SFXN1: variants seen among roughly 807,000 people sequenced by gnomAD.
SFXN1 encodes the protein sideroflexin-1.
Under a neutral mutation model 39.5 loss-of-function variants are expected in SFXN1, and 32 were observed. The ratio of observed to expected loss-of-function variants is 0.81; its 90% CI spans 0.61 to 1.09. SFXN1 has a LOEUF of 1.09. Among genes scored for constraint, SFXN1 ranks in the 50% least tolerant of loss-of-function variants. SFXN1 has a pLI of 0.00. For synonymous variants in SFXN1, 136 were observed against 146.5 expected, an observed-to-expected ratio of 0.93 and a Z score of 0.52; for missense variants, 402 against 407.1, an observed-to-expected ratio of 0.99 and a Z score of 0.11.
chr5:175,524,060 C>T (rs868717439), intron 10 of SFXN1: 1 of 141,480 alleles, frequency 7.1e-6, no homozygotes, highest in East Asian at 2.1e-4. Flanking sequence ...GCCAAGATCA[C>T]GCTACTGCAT....
At chr5:175,491,889 T>C (rs1759668835) in intron 1 of SFXN1, 5 of 456,014 alleles carry the variant, frequency 1.1e-5, no homozygotes, top group Non-Finnish European at 1.9e-5. Flanking sequence ...TAGGAAACTA[T>C]TGAAATTTAG....
chr5:175,499,187 G>A (rs1369105309), intron 2 of SFXN1, among the ~76,000 whole-genome samples: 5 of 151,926 alleles, frequency 3.3e-5, no homozygotes, highest in African/African-American at 1.2e-4. Flanking sequence ...CCCAGGAGGC[G>A]GAGGTTGCAG....
At chr5:175,504,536 C>A (rs1224409666) in intron 2 of SFXN1, among the ~76,000 whole-genome samples, 1 of 150,128 alleles carries the variant, frequency 6.7e-6, no homozygotes, top group Non-Finnish European at 1.5e-5. Context: ...CATTGCATAA[C>A]TGCACTCCAG....
In SFXN1 at chr5:175,513,439, CTCTG is replaced by C; in HGVS notation, c.597-22_597-19del. The C allele has an allele frequency of 6.2e-7, 1 of 1,607,490 alleles. No homozygotes were observed. Among genetic ancestry groups the C allele is most frequent in the South Asian group, 1.1e-5 (1 of 90,878 alleles). On this transcript the variant is annotated intron_variant, in intron 6 of 10. Transcript: ENST00000321442. ...GTTTATTGAAGGCATTGGTGGAGCT[CTCTG>C]TATGTGTTTTGCTCTGCAGGGAACT...
chr5:175,526,623 T>G lies in SFXN1; in HGVS notation c.873-15T>G. 2 of 1,610,144 alleles carry G rather than the reference T, an allele frequency of 1.2e-6. No homozygotes were observed. Among genetic ancestry groups the G allele is most frequent in the Non-Finnish European group, 1.7e-6 (2 of 1,176,400 alleles). Reference sequence around the variant, plus strand: ...CTGCCTGTGTAATAACCCTGTCATTTCTCCCTTATCCCAGTTCCATGTCTG... The same window carrying G: ...CTGCCTGTGTAATAACCCTGTCATTGCTCCCTTATCCCAGTTCCATGTCTG... On this transcript the variant is annotated splice_polypyrimidine_tract_variant and intron_variant, in intron 10 of 10. Transcript: ENST00000321442.
At chr5:175,515,953 A>C (rs1257782238) in intron 7 of SFXN1, among the ~76,000 whole-genome samples, 1 of 152,194 alleles carries the variant, frequency 6.6e-6, no homozygotes, top group Admixed American at 6.5e-5. Flanking sequence ...ATCATCAGGC[A>C]CTAGATTCTC....
intron 8 of SFXN1, among the ~76,000 whole-genome samples, chr5:175,518,795 G>A (rs1760792811): frequency 6.6e-6 from 1 of 152,182 alleles, no homozygotes; most frequent in Admixed American, 6.5e-5. Flanking sequence ...GTCTACAACT[G>A]TAAAACTTCT....
chr5:175,516,680 T>C lies in SFXN1; in HGVS notation c.774+17T>C. On this transcript the variant is annotated intron_variant, in intron 8 of 10. Transcript: ENST00000321442. ...TTTTTGAAGGTAAGCTGTGGTTCTT[T>C]TGTCATTTTCTCAACCCTTTTTATT... The C allele has an allele frequency of 6.2e-7, 1 of 1,610,736 alleles. No homozygotes were observed. The highest frequency in any genetic ancestry group is 1.1e-5 in the South Asian group (1 of 90,514).
At chr5:175,508,602 A>G (rs146380786) in intron 2 of SFXN1, among the ~76,000 whole-genome samples, 54 of 151,918 alleles carry the variant, frequency 3.6e-4, no homozygotes, top group Non-Finnish European at 6.8e-4. Context: ...TATGTAACAA[A>G]TTTGTCACTC....
intron 1 of SFXN1, among the ~76,000 whole-genome samples, chr5:175,481,206 G>T (rs756075545): frequency 2.6e-5 from 4 of 152,022 alleles, no homozygotes; most frequent in African/African-American, 4.8e-5. Flanking sequence ...TTTTTTAACT[G>T]TAATAACATC....
chr5:175,507,776 G>C (rs894138172), intron 2 of SFXN1, among the ~76,000 whole-genome samples: 11 of 152,220 alleles, frequency 7.2e-5, no homozygotes, highest in African/African-American at 2.4e-4. Flanking sequence ...TTCAGAACCA[G>C]CCTGGGCAAC....
At chr5:175,504,573 CAA>C (rs531492337) in intron 2 of SFXN1, among the ~76,000 whole-genome samples, 15 of 108,220 alleles carry the variant, frequency 1.4e-4, no homozygotes, top group East Asian at 2.9e-4. Context: ...GACTCCATCT[CAA>C]AAAAAAAAAA....
chr5:175,510,655 A>T (rs964855976), intron 4 of SFXN1, among the ~76,000 whole-genome samples: 1 of 152,182 alleles, frequency 6.6e-6, no homozygotes, highest in African/African-American at 2.4e-5. Context: ...TGTGAACTTT[A>T]TATCTGATAT....
At chr5:175,504,980 G>A (rs146325140) in intron 2 of SFXN1, among the ~76,000 whole-genome samples, 36 of 152,042 alleles carry the variant, frequency 2.4e-4, no homozygotes, top group African/African-American at 8.0e-4. Flanking sequence ...CACCTGCCTC[G>A]GTCTCCCAAA....
chr5:175,517,007 G>A (rs1266845351), intron 8 of SFXN1, among the ~76,000 whole-genome samples: 1 of 152,130 alleles, frequency 6.6e-6, no homozygotes, highest in Non-Finnish European at 1.5e-5. Flanking sequence ...AAAATCATTC[G>A]GAGTAGCAGC....
At chr5:175,498,228 C>T (rs964154228) in intron 2 of SFXN1, among the ~76,000 whole-genome samples, 1 of 152,058 alleles carries the variant, frequency 6.6e-6, no homozygotes, top group Non-Finnish European at 1.5e-5. Flanking sequence ...AACTGAGAAC[C>T]CAGCCTAAGA....
intron 6 of SFXN1, among the ~76,000 whole-genome samples, chr5:175,512,599 G>A (rs1760560806): frequency 6.6e-6 from 1 of 152,024 alleles, no homozygotes; most frequent in South Asian, 2.1e-4. Context: ...GGGGCTTAAA[G>A]TACATTATTC....
intron 8 of SFXN1, among the ~76,000 whole-genome samples, chr5:175,519,319 G>A (rs992051627): frequency 1.3e-5 from 2 of 152,190 alleles, no homozygotes; most frequent in Non-Finnish European, 2.9e-5. Flanking sequence ...AACAGATGCT[G>A]CCCTATGATC....
intron 2 of SFXN1, among the ~76,000 whole-genome samples, chr5:175,492,930 T>G (rs751816679): frequency 1.3e-5 from 2 of 152,196 alleles, no homozygotes; most frequent in Non-Finnish European, 2.9e-5. Flanking sequence ...TTTATTTGTG[T>G]TTTTTTGTTT....
Sources: gnomAD v4.1 joint callset for allele counts (sites outside exome capture counted in the v4.1 genomes callset) on GRCh38, gnomAD v4.1.1 for gene constraint, MANE v1.5 for transcripts, NCBI Gene and HGNC (gene_info 2026-07-23, HGNC 2026-07-21) for gene names.